Variants in CFAP210 observed in about 807,000 individuals in gnomAD.
The protein encoded by CFAP210 is cilia- and flagella- associated protein 210.
At chr2:169,667,135 CTTTTTTCTTTTT>C in the CFAP210 span, among the ~76,000 whole-genome samples, 1 of 120,284 alleles carries the variant, frequency 8.3e-6, no homozygotes, top group East Asian at 2.3e-4. Context: ...CACAAATTTT[CTTTTTTCTTTTT>C]TTTTTTTTTT....
the CFAP210 span, among the ~76,000 whole-genome samples, chr2:169,652,629 T>C: frequency 6.6e-6 from 1 of 151,912 alleles, no homozygotes. Context: ...AAAGTTTTAA[T>C]AAAAATAAAA....
At chr2:169,648,860 T>G in the CFAP210 span, among the ~76,000 whole-genome samples, 1 of 152,178 alleles carries the variant, frequency 6.6e-6, no homozygotes, top group South Asian at 2.1e-4. Flanking sequence ...GAGATCGCAA[T>G]CAACATAGTC....
chr2:169,661,476 T>C, the CFAP210 span: 3 of 293,926 alleles, frequency 1.0e-5, no homozygotes, highest in Non-Finnish European at 2.0e-5. Flanking sequence ...TCAGCAGTGC[T>C]AGGGGAAGCC....
the CFAP210 span, among the ~76,000 whole-genome samples, chr2:169,676,720 A>G: frequency 2.0e-5 from 3 of 152,192 alleles, no homozygotes; most frequent in Admixed American, 2.0e-4. Flanking sequence ...GCGAGGTACT[A>G]TAAGTTTTCT....
the CFAP210 span, among the ~76,000 whole-genome samples, chr2:169,681,556 T>C: frequency 6.6e-6 from 1 of 152,166 alleles, no homozygotes. Context: ...GTTATAAAAG[T>C]ATTTTTCAAA....
the CFAP210 span, among the ~76,000 whole-genome samples, chr2:169,656,669 G>A: frequency 5.3e-5 from 8 of 152,056 alleles, no homozygotes; most frequent in East Asian, 1.3e-3. Flanking sequence ...TATGTACAAA[G>A]AATAACAGAG....
the CFAP210 span, among the ~76,000 whole-genome samples, chr2:169,653,404 G>C: frequency 6.6e-6 from 1 of 151,798 alleles, no homozygotes; most frequent in Non-Finnish European, 1.5e-5. Flanking sequence ...GGTAGGTGGA[G>C]AGCCTTATGG....
At chr2:169,682,739 T>C in the CFAP210 span, among the ~76,000 whole-genome samples, 2 of 152,244 alleles carry the variant, frequency 1.3e-5, no homozygotes, top group East Asian at 1.9e-4. Context: ...ATAACAAAGG[T>C]AGGACAGCAG....
the CFAP210 span, among the ~76,000 whole-genome samples, chr2:169,662,028 G>A: frequency 6.6e-6 from 1 of 152,112 alleles, no homozygotes; most frequent in East Asian, 1.9e-4. Flanking sequence ...CTAGTGGGGG[G>A]ACTATAGTTA....
the CFAP210 span, among the ~76,000 whole-genome samples, chr2:169,666,323 C>T: frequency 3.3e-5 from 5 of 150,172 alleles, no homozygotes; most frequent in Non-Finnish European, 7.4e-5. Context: ...TCAAGAAGCT[C>T]GAATTCTAGT....
the CFAP210 span, among the ~76,000 whole-genome samples, chr2:169,656,810 A>G: frequency 6.6e-6 from 1 of 151,812 alleles, no homozygotes; most frequent in Non-Finnish European, 1.5e-5. Context: ...CTAAAAACAC[A>G]AAAATTAGTG....
the CFAP210 span, among the ~76,000 whole-genome samples, chr2:169,652,397 G>C: frequency 3.3e-5 from 5 of 152,300 alleles, no homozygotes; most frequent in East Asian, 9.6e-4. Context: ...TGCTTACTAT[G>C]CTCCTGACAC....
chr2:169,676,158 T>C, the CFAP210 span, among the ~76,000 whole-genome samples: 4 of 152,216 alleles, frequency 2.6e-5, no homozygotes, highest in Non-Finnish European at 2.9e-5. Flanking sequence ...AATGAAATTT[T>C]TGTTATATGT....
At chr2:169,674,503 T>A in the CFAP210 span, 1 of 1,280,802 alleles carries the variant, frequency 7.8e-7, no homozygotes, top group African/African-American at 1.5e-5. Flanking sequence ...GTATTACTTT[T>A]ATAATTAGAA....
At chr2:169,656,900 G>A in the CFAP210 span, among the ~76,000 whole-genome samples, 1 of 140,044 alleles carries the variant, frequency 7.1e-6, no homozygotes, top group African/African-American at 2.7e-5. Flanking sequence ...GGGAGGCAGA[G>A]GTTGCAGTGA....
chr2:169,652,020 C>T, the CFAP210 span, among the ~76,000 whole-genome samples: 15,356 of 152,126 alleles, frequency 0.1, 966 homozygotes, highest in Middle Eastern at 0.19. Context: ...GGTCCTCTCT[C>T]TAGTTAAGAG....
chr2:169,662,330 T>C, the CFAP210 span: 1 of 1,604,750 alleles, frequency 6.2e-7, no homozygotes, highest in African/African-American at 1.3e-5. Flanking sequence ...TTTTCTAGTT[T>C]TTTTCTCATT....
the CFAP210 span, chr2:169,675,005 C>T: frequency 2.6e-6 from 4 of 1,533,804 alleles, no homozygotes; most frequent in East Asian, 2.4e-5. Flanking sequence ...CTTCATCACG[C>T]TTCTTTTTGG....
the CFAP210 span, among the ~76,000 whole-genome samples, chr2:169,666,319 A>T: frequency 2.0e-5 from 3 of 151,786 alleles, no homozygotes; most frequent in Non-Finnish European, 4.4e-5. Flanking sequence ...TCACTCAAGA[A>T]GCTCGAATTC....
Sources: gnomAD v4.1 joint callset for allele counts (sites outside exome capture counted in the v4.1 genomes callset) on GRCh38, gnomAD v4.1.1 for gene constraint, MANE v1.5 for transcripts, NCBI Gene and HGNC (gene_info 2026-07-23, HGNC 2026-07-21) for gene names.